Variants in SKAP2 observed in about 807,000 individuals in gnomAD.
SKAP2 encodes src kinase-associated phosphoprotein 2.
Under a neutral mutation model 54.9 loss-of-function variants are expected in SKAP2, and 28 were observed. That is an observed-to-expected ratio of 0.51 (90% CI 0.38 to 0.70). The LOEUF (loss-of-function observed/expected upper bound fraction) is 0.70, where lower values mean the gene tolerates loss of function less well. SKAP2 is among the 30% of genes least tolerant of loss of function. The pLI is 0.00. For synonymous variants in SKAP2, 137 were observed against 134.3 expected, an observed-to-expected ratio of 1.02 and a Z score of -0.14; for missense variants, 356 against 424.1, an observed-to-expected ratio of 0.84 and a Z score of 1.41.
chr7:26,658,350 C>T, the SKAP2 span, among the ~76,000 whole-genome samples: 4 of 152,170 alleles, frequency 2.6e-5, no homozygotes, highest in Non-Finnish European at 5.9e-5. Flanking sequence ...TTCCCCAATG[C>T]CTTTTTGTGC....
chr7:26,852,122 A>G (rs1785057358), intron 3 of SKAP2, among the ~76,000 whole-genome samples: 1 of 152,168 alleles, frequency 6.6e-6, no homozygotes, highest in Admixed American at 6.5e-5. Context: ...AGCCAAAAGG[A>G]CTTCTGCCCA....
chr7:26,836,211 T>A (rs541231349), intron 4 of SKAP2, among the ~76,000 whole-genome samples: 1 of 152,296 alleles, frequency 6.6e-6, no homozygotes. Flanking sequence ...ATTAAAGCCT[T>A]AAATGCAAGA....
chr7:26,765,803 C>G (rs1240882624), intron 4 of SKAP2, among the ~76,000 whole-genome samples: 1 of 152,094 alleles, frequency 6.6e-6, no homozygotes, highest in Non-Finnish European at 1.5e-5. Flanking sequence ...ATTTCTGAGG[C>G]CCCTGTTCTG....
chr7:26,845,810 T>C (rs972687248), intron 3 of SKAP2, among the ~76,000 whole-genome samples: 2 of 152,104 alleles, frequency 1.3e-5, no homozygotes, highest in African/African-American at 2.4e-5. Context: ...GGCCTGCACC[T>C]ATAGTCACAT....
chr7:26,657,765 C>G, the SKAP2 span, among the ~76,000 whole-genome samples: 1 of 138,356 alleles, frequency 7.2e-6, no homozygotes, highest in South Asian at 2.3e-4. Flanking sequence ...CGCACTGACA[C>G]ACACTTTGCC....
intron 9 of SKAP2, among the ~76,000 whole-genome samples, chr7:26,703,916 G>T (rs1351850166): frequency 1.3e-5 from 2 of 152,180 alleles, no homozygotes; most frequent in Non-Finnish European, 2.9e-5. Flanking sequence ...TGCCTCCAGA[G>T]CCCAGGTTCT....
At chr7:26,842,364 GA>G (rs1163570497) in intron 4 of SKAP2, among the ~76,000 whole-genome samples, 2 of 151,308 alleles carry the variant, frequency 1.3e-5, no homozygotes, top group Non-Finnish European at 3.0e-5. Context: ...AAAAATATAT[GA>G]TAAATTATTT....
At chr7:26,851,255 CAAAAA>C (rs35007326) in intron 3 of SKAP2, among the ~76,000 whole-genome samples, 1 of 99,368 alleles carries the variant, frequency 1.0e-5, no homozygotes. Context: ...CCGTTTTTAC[CAAAAA>C]AAAAAAAAAA....
chr7:26,720,063 C>G (rs10265922), intron 9 of SKAP2, among the ~76,000 whole-genome samples: 5,242 of 126,468 alleles, frequency 0.041, 304 homozygotes, highest in African/African-American at 0.13. Context: ...CACACACACA[C>G]ACACACACAC....
chr7:26,857,356 C>A (rs796326295), intron 1 of SKAP2: 16 of 420,228 alleles, frequency 3.8e-5, no homozygotes, highest in African/African-American at 3.3e-4. Flanking sequence ...GAAGCAGTTC[C>A]CGAAATAATT....
At chr7:26,680,978 A>G (rs1283465329) in intron 11 of SKAP2, among the ~76,000 whole-genome samples, 1 of 152,222 alleles carries the variant, frequency 6.6e-6, no homozygotes. Context: ...AGAGGCCTAA[A>G]ATAAATAAAT....
chr7:26,719,803 T>C (rs920932701), intron 9 of SKAP2, among the ~76,000 whole-genome samples: 6 of 152,196 alleles, frequency 3.9e-5, no homozygotes, highest in Non-Finnish European at 8.8e-5. Flanking sequence ...GTTTCATGTA[T>C]GTAAGAAAAC....
intron 4 of SKAP2, among the ~76,000 whole-genome samples, chr7:26,755,958 G>A (rs1782781483): frequency 6.6e-6 from 1 of 151,998 alleles, no homozygotes; most frequent in African/African-American, 2.4e-5. Context: ...GTTACATGAT[G>A]GTGTATAAGC....
intron 4 of SKAP2, among the ~76,000 whole-genome samples, chr7:26,822,845 T>G (rs59254259): frequency 0.21 from 31,995 of 150,306 alleles, 3,466 homozygotes; most frequent in Non-Finnish European, 0.24. Flanking sequence ...AATGCACCAC[T>G]GCACTCCAGC....
chr7:26,665,800 T>C (rs1220483332), downstream of SKAP2, among the ~76,000 whole-genome samples: 1 of 152,172 alleles, frequency 6.6e-6, no homozygotes, highest in Non-Finnish European at 1.5e-5. Context: ...TGGCTAAAGC[T>C]GAGATGTCTA....
At chr7:26,826,251 A>G (rs764620056) in intron 4 of SKAP2, among the ~76,000 whole-genome samples, 2 of 152,170 alleles carry the variant, frequency 1.3e-5, no homozygotes, top group Admixed American at 1.3e-4. Context: ...AGAAATATCT[A>G]AGAAGCTGCT....
chr7:26,760,967 A>C (rs891369920), intron 4 of SKAP2, among the ~76,000 whole-genome samples: 7 of 152,254 alleles, frequency 4.6e-5, no homozygotes, highest in African/African-American at 1.4e-4. Context: ...GAAACTGTTC[A>C]CTGAATATGG....
chr7:26,725,358 A>T, intron 9 of SKAP2, 70 bp downstream of exon 9: 1 of 937,588 alleles, frequency 1.1e-6, no homozygotes, highest in Non-Finnish European at 1.5e-6. Context: ...ACACACACAA[A>T]CACACACACA....
At chr7:26,728,859 G>C (rs1787764190) in intron 6 of SKAP2, among the ~76,000 whole-genome samples, 1 of 152,110 alleles carries the variant, frequency 6.6e-6, no homozygotes. Flanking sequence ...CTGCTCCCTT[G>C]CTGCGCAAGG....
Sources: allele counts gnomAD v4.1 joint callset (sites outside exome capture counted in the v4.1 genomes callset), GRCh38; gene constraint gnomAD v4.1.1; transcripts MANE v1.5; gene names NCBI Gene and HGNC (gene_info 2026-07-23, HGNC 2026-07-21).